ATP6V1C1: variants seen among roughly 807,000 people sequenced by gnomAD.
ATP6V1C1 encodes the protein ATPase H+ transporting V1 subunit C1, also known as V-type proton ATPase subunit C 1.
In ATP6V1C1, 45 loss-of-function variants were observed where a neutral mutation model predicts 53.9. That is an observed-to-expected ratio of 0.83 (90% CI 0.66 to 1.07). The LOEUF (loss-of-function observed/expected upper bound fraction) is 1.07. Among genes scored for constraint, ATP6V1C1 ranks in the 50% least tolerant of loss-of-function variants. The pLI, the probability that ATP6V1C1 is intolerant of heterozygous loss-of-function variation, is 0.00. For synonymous variants in ATP6V1C1, 153 were observed against 155.2 expected (o/e 0.99, Z 0.11); for missense variants, 315 against 440.3 (o/e 0.72, Z 2.55).
Position 103,070,451 on chromosome 8 carries a change from T to G in ATP6V1C1, c.*1704T>G, listed in dbSNP as rs1817567108. ...TGGAGTGTGGATTTATCTTCAGTTT[T>G]TCTTTGGACAAGAGGAAGCTGTGAA... is the stretch of plus-strand genomic sequence containing the variant. On this transcript the variant is annotated 3_prime_UTR_variant, in exon 13 of 13. Coordinates refer to ENST00000518738, the MANE Select transcript of ATP6V1C1 (RefSeq NM_001695.5). The G allele has an allele frequency of 6.6e-6, 1 of 152,248 alleles. No individual in the cohort carries two copies. The highest frequency in any genetic ancestry group is 1.5e-5 in the Non-Finnish European group (1 of 68,034). 9.4% of individuals were successfully genotyped at this position (152,248 alleles called of 1,614,324 possible).
At chr8:103,024,373 G>T (rs1045065688) in intron 1 of ATP6V1C1, among the ~76,000 whole-genome samples, 1 of 152,042 alleles carries the variant, frequency 6.6e-6, no homozygotes, top group African/African-American at 2.4e-5. Context: ...AAACTTCAGG[G>T]CTTCAAAAAT....
intron 4 of ATP6V1C1, among the ~76,000 whole-genome samples, chr8:103,049,679 G>A (rs1817166653): frequency 6.6e-6 from 1 of 152,194 alleles, no homozygotes; most frequent in Non-Finnish European, 1.5e-5. Context: ...GCTCATGCCT[G>A]TAATCCCAGC....
intron 10 of ATP6V1C1, 89 bp downstream of exon 10, chr8:103,063,317 T>C: frequency 1.1e-6 from 1 of 878,968 alleles, no homozygotes; most frequent in Non-Finnish European, 1.7e-6. Context: ...AGTAAAAATC[T>C]GCTTTGGTTT....
intron 8 of ATP6V1C1, among the ~76,000 whole-genome samples, chr8:103,060,415 C>T (rs1025761347): frequency 6.6e-6 from 1 of 152,206 alleles, no homozygotes; most frequent in South Asian, 2.1e-4. Flanking sequence ...TTTGGTGAAA[C>T]TCCTTTGAAT....
Position 103,052,772 on chromosome 8 carries a change from T to C in ATP6V1C1, c.423T>C (p.Ser141=). 6.3e-7 allele frequency: 1 copy of C among 1,598,410 alleles called. No individual in the cohort carries two copies. The highest frequency in any genetic ancestry group is 8.5e-7 in the Non-Finnish European group (1 of 1,173,746). ...QIDNDLKSRA[S]AYNNLKGNLQ... ...ATAATGACCTGAAATCTCGAGCATC[T>C]GCATACAATAACCTGAAAGGAAATC... The change falls in exon 6 of 13, where the codon TCT becomes TCC. Residue 141 remains serine (S), a synonymous_variant. Transcript: ENST00000518738.
At chr8:103,027,000 C>T (rs1816708373) in intron 1 of ATP6V1C1, among the ~76,000 whole-genome samples, 1 of 152,186 alleles carries the variant, frequency 6.6e-6, no homozygotes. Flanking sequence ...AGAATTTTTA[C>T]ATTCAAAGAG....
At chr8:103,036,761 C>T (rs1816905507) in intron 1 of ATP6V1C1, among the ~76,000 whole-genome samples, 1 of 152,132 alleles carries the variant, frequency 6.6e-6, no homozygotes, top group African/African-American at 2.4e-5. Context: ...ATGATAGTGA[C>T]ATCTACTGTA....
At chr8:103,042,520 A>C in intron 3 of ATP6V1C1, 113 bp downstream of exon 3, 1 of 1,031,232 alleles carries the variant, frequency 9.7e-7, no homozygotes. Flanking sequence ...TGGTTTTAGA[A>C]AACGACTTTT....
At chr8:103,021,680 C>A (rs1232710839) in intron 1 of ATP6V1C1, among the ~76,000 whole-genome samples, 1 of 151,884 alleles carries the variant, frequency 6.6e-6, no homozygotes, top group Admixed American at 6.6e-5. Context: ...AGTTTAAAGG[C>A]CTAGGAGCCC....
chr8:103,052,558 T>A (rs1817218693), intron 5 of ATP6V1C1, among the ~76,000 whole-genome samples, 173 bp from the exon 6 acceptor site: 1 of 152,020 alleles, frequency 6.6e-6, no homozygotes, highest in Non-Finnish European at 1.5e-5. Flanking sequence ...TAAAATGAAG[T>A]CGGCTGTTTT....
At chr8:103,024,628 TTA>T (rs1162137249) in intron 1 of ATP6V1C1, among the ~76,000 whole-genome samples, 1 of 152,216 alleles carries the variant, frequency 6.6e-6, no homozygotes, top group Non-Finnish European at 1.5e-5. Context: ...GGGTGTGGAA[TTA>T]TATATCATTT....
chr8:103,039,014 A>G (rs1270041946), intron 1 of ATP6V1C1, among the ~76,000 whole-genome samples: 1 of 152,154 alleles, frequency 6.6e-6, no homozygotes, highest in Non-Finnish European at 1.5e-5. Flanking sequence ...TAAAGGTTTA[A>G]CTTCATCAGT....
At chr8:103,056,364 A>AT (rs1817288974) in intron 8 of ATP6V1C1, among the ~76,000 whole-genome samples, 1 of 152,166 alleles carries the variant, frequency 6.6e-6, no homozygotes, top group African/African-American at 2.4e-5. Context: ...TGCCGTGTTG[A>AT]TCTCCAGATG....
At chr8:103,065,722 C>A (rs1351132782) in intron 11 of ATP6V1C1, among the ~76,000 whole-genome samples, 1 of 152,070 alleles carries the variant, frequency 6.6e-6, no homozygotes, top group Non-Finnish European at 1.5e-5. Flanking sequence ...CTTCTTATTT[C>A]CTGAGGATAT....
intron 1 of ATP6V1C1, among the ~76,000 whole-genome samples, chr8:103,027,106 C>T (rs1032606138): frequency 1.4e-4 from 21 of 152,114 alleles, no homozygotes; most frequent in African/African-American, 4.8e-4. Flanking sequence ...GTAAATGTTT[C>T]GCACAGATCA....
chr8:103,029,948 G>A (rs1011803515), intron 1 of ATP6V1C1, among the ~76,000 whole-genome samples: 31 of 152,024 alleles, frequency 2.0e-4, no homozygotes, highest in Non-Finnish European at 4.4e-4. Context: ...GGCCGTGGCT[G>A]GTCTTGAACT....
chr8:103,065,241 C>G (rs1450150336), intron 11 of ATP6V1C1, among the ~76,000 whole-genome samples: 1 of 152,112 alleles, frequency 6.6e-6, no homozygotes, highest in Non-Finnish European at 1.5e-5. Flanking sequence ...ATGGGTTGCT[C>G]ATATTAGAAA....
intron 8 of ATP6V1C1, among the ~76,000 whole-genome samples, chr8:103,062,626 A>G (rs1817422432): frequency 6.6e-6 from 1 of 152,220 alleles, no homozygotes; most frequent in South Asian, 2.1e-4. Flanking sequence ...GAGTGTGCTT[A>G]TCAAGGAGAC....
In ATP6V1C1 at chr8:103,053,962, A is replaced by AT; in HGVS notation, c.554dup (p.Leu185PhefsTer15). On this transcript the variant is annotated frameshift_variant, in exon 7 of 13. Transcript: ENST00000518738. LOFTEE classifies it high-confidence loss of function. The stretch of plus-strand genomic sequence containing the variant: ...TTCTTGATTCAGAGTATCTCGTCAC[A>AT]TTACTGGTAGTAGTTCCCAAGTAAG... 6.2e-7 allele frequency: 1 copy of AT among 1,609,488 alleles called. No homozygotes were observed. Among genetic ancestry groups the AT allele is most frequent in the South Asian group, 1.1e-5 (1 of 89,846 alleles).
Sources: allele counts gnomAD v4.1 joint callset (sites outside exome capture counted in the v4.1 genomes callset), GRCh38; gene constraint gnomAD v4.1.1; transcripts MANE v1.5; gene names NCBI Gene and HGNC (gene_info 2026-07-23, HGNC 2026-07-21).